Variants in BIN1 observed in about 807,000 individuals in gnomAD.
The protein encoded by BIN1 is myc box-dependent-interacting protein 1.
A neutral mutation model predicts 82.0 loss-of-function variants in BIN1; 53 were observed. That is an observed-to-expected ratio of 0.65 (90% CI 0.52 to 0.81). The LOEUF (loss-of-function observed/expected upper bound fraction) is 0.81, where lower values mean the gene tolerates loss of function less well. Ranked by LOEUF, BIN1 falls within the 40% of genes least tolerant of loss-of-function variation. The pLI, the probability that BIN1 is intolerant of heterozygous loss-of-function variation, is 0.00. For missense variants in BIN1, 642 were observed against 784.4 expected (o/e 0.82, Z 2.17); for synonymous variants, 302 against 328.0 (o/e 0.92, Z 0.86).
intron 1 of BIN1, among the ~76,000 whole-genome samples, chr2:127,078,293 A>G (rs1686875960): frequency 6.6e-6 from 1 of 152,214 alleles, no homozygotes; most frequent in Admixed American, 6.5e-5. Context: ...GGTACAGCAG[A>G]GAGGAATCAG....
intron 1 of BIN1, among the ~76,000 whole-genome samples, chr2:127,105,465 AT>A (rs1680934244): frequency 1.0e-5 from 1 of 97,526 alleles, no homozygotes. Flanking sequence ...TGGGGCTTTA[AT>A]CCCTCCTCCT....
At chr2:127,054,394 C>T (rs975603610) in intron 12 of BIN1, 6 of 317,816 alleles carry the variant, frequency 1.9e-5, no homozygotes, top group East Asian at 8.1e-5. Context: ...CACCAATGCC[C>T]GAACCTCCTC....
chr2:127,095,621 T>A (rs1406013416), intron 1 of BIN1, among the ~76,000 whole-genome samples: 1 of 152,156 alleles, frequency 6.6e-6, no homozygotes, highest in Non-Finnish European at 1.5e-5. Flanking sequence ...TACCACCTCC[T>A]TCCCACTCCC....
At chr2:127,063,800 A>C (rs962848217) in intron 8 of BIN1, 133 bp downstream of exon 8, 3 of 1,408,034 alleles carry the variant, frequency 2.1e-6, no homozygotes, top group African/African-American at 2.8e-5. Context: ...ACTGCAGCAC[A>C]CAGGCTGGGC....
chr2:127,085,876 A>T (rs1573740537), intron 1 of BIN1, among the ~76,000 whole-genome samples: 1 of 152,304 alleles, frequency 6.6e-6, no homozygotes, highest in East Asian at 1.9e-4. Context: ...AGGGACAGGC[A>T]TCTGTCAACC....
chr2:127,052,623 C>T (rs926776964), intron 14 of BIN1: 1 of 526,138 alleles, frequency 1.9e-6, no homozygotes. Context: ...CCTACCAGCT[C>T]GCACCAGGCT....
chr2:127,056,803 C>T (rs866962181), intron 12 of BIN1, among the ~76,000 whole-genome samples: 4 of 152,228 alleles, frequency 2.6e-5, no homozygotes, highest in African/African-American at 4.8e-5. Context: ...TACTCCAGCC[C>T]GACCTCCACC....
rs372770142 is a variant in BIN1, at chr2:127,068,460, G to C, written c.520-205C>G. 1.2e-4 allele frequency among the ~76,000 whole-genome samples: 19 copies of C among 152,160 alleles called. No homozygotes were observed. Among genetic ancestry groups the C allele is most frequent in the African/African-American group, 4.1e-4 (17 of 41,434 alleles). On this transcript the variant is annotated intron_variant, in intron 6 of 18. Coordinates refer to ENST00000316724, the MANE Select transcript of BIN1 (RefSeq NM_139343.3). This position sits in a 1 kb window ranked among gnomAD's most constrained non-coding sequence, Gnocchi z 4.9. ...TGAACTCCAACTGCAGAGGCAAAAG[G>C]TGAGCGTGGTTAGCAGCACAGGGGG... is the stretch of plus-strand genomic sequence containing the variant.
intron 1 of BIN1, among the ~76,000 whole-genome samples, chr2:127,086,302 G>C (rs1407413130): frequency 6.6e-6 from 1 of 152,124 alleles, no homozygotes; most frequent in African/African-American, 2.4e-5. Flanking sequence ...CGTGTGTCTG[G>C]AGCTTGCTGA....
At chr2:127,097,640 C>A (rs1679774915) in intron 1 of BIN1, among the ~76,000 whole-genome samples, 1 of 152,214 alleles carries the variant, frequency 6.6e-6, no homozygotes, top group Admixed American at 6.5e-5. Flanking sequence ...CAGGCCACTC[C>A]TTCTGGAGAC....
At chr2:127,083,389 C>T (rs993851388) in intron 1 of BIN1, among the ~76,000 whole-genome samples, 4 of 152,148 alleles carry the variant, frequency 2.6e-5, no homozygotes, top group African/African-American at 7.2e-5. Flanking sequence ...TCACTTTTCT[C>T]TATATATAAA....
intron 1 of BIN1, among the ~76,000 whole-genome samples, chr2:127,097,067 C>A (rs532808276): frequency 6.6e-6 from 1 of 152,220 alleles, no homozygotes; most frequent in African/African-American, 2.4e-5. Flanking sequence ...GTGCCCACTC[C>A]CCACTCGGGG....
rs1007484424 is a variant in BIN1, at chr2:127,081,922, C to T, written c.85-5216G>A. The T allele has an allele frequency of 3.4e-5, 43 of 1,260,632 alleles. No individual in the cohort carries two copies. In the African/African-American group the frequency reaches 5.9e-4, roughly 17 times the overall value. 78.1% of individuals were successfully genotyped at this position (1,260,632 alleles called of 1,614,324 possible). A position where few individuals can be genotyped will look rare whatever the true frequency, so the allele number is the denominator to read the frequency against. On this transcript the variant is annotated intron_variant, in intron 1 of 18. Transcript: ENST00000316724. ...CGCCCCTTCCTCCCAGCAGAGCCTG[C>T]GGTCGGGGGCCACGGAGGCAGGATG...
chr2:127,095,386 C>T (rs950205871), intron 1 of BIN1, among the ~76,000 whole-genome samples: 3 of 152,214 alleles, frequency 2.0e-5, no homozygotes, highest in Admixed American at 1.3e-4. Flanking sequence ...GCCTCCCTGG[C>T]GGGGTCACTG....
At chr2:127,064,209 A>G (rs1684868215) in intron 7 of BIN1, among the ~76,000 whole-genome samples, 191 bp from the exon 8 acceptor site, 1 of 152,196 alleles carries the variant, frequency 6.6e-6, no homozygotes, top group South Asian at 2.1e-4. Context: ...CAGGACCCTG[A>G]GGACATCTGG....
chr2:127,052,288 C>A lies in BIN1; in HGVS notation c.1338G>T (p.Trp446Cys). Residue 446 changes from tryptophan (W) to cysteine (C), a missense_variant, in exon 15 of 19, where the codon TGG becomes TGT. Coordinates refer to ENST00000316724, the MANE Select transcript of BIN1 (RefSeq NM_139343.3). ...SAAEGTFAVS[W>C]PSQTAEPGPA... ...GCCCCGGCTCGGCCGTCTGGCTGGG[C>A]CAGGACACAGCAAAGGTGCCCTCGG... The A allele has an allele frequency of 6.3e-7, 1 of 1,583,590 alleles. No individual in the cohort carries two copies. The highest frequency in any genetic ancestry group is 1.2e-5 in the South Asian group (1 of 86,686).
rs1024658796 is a variant in BIN1, at chr2:127,070,644, A to G, written c.224T>C (p.Met75Thr). The G allele has an allele frequency of 1.9e-6, 3 of 1,614,074 alleles. No individual in the cohort carries two copies. The highest frequency in any genetic ancestry group is 1.1e-5 in the South Asian group (1 of 91,080). The change falls in exon 4 of 19, where the codon ATG becomes ACG. Residue 75 changes from methionine (M) to threonine (T), a missense_variant. Transcript: ENST00000316724. ...ATTCAGCTTCTTGGAAGCCTCGTGC[A>G]TGGCTGTGGGGCAGAAAGGAAGTAT... is the stretch of plus-strand genomic sequence containing the variant. The part of the protein sequence containing the change: ...LRTYLASVKA[M>T]HEASKKLNEC...
intron 1 of BIN1, among the ~76,000 whole-genome samples, chr2:127,088,319 C>T (rs544153223): frequency 7.9e-4 from 121 of 152,344 alleles, no homozygotes; most frequent in Admixed American, 1.6e-3. Flanking sequence ...GACTCAGCAA[C>T]GTGCCCTGGT....
At chr2:127,073,453 T>C (rs114844018) in intron 2 of BIN1, among the ~76,000 whole-genome samples, 38 of 152,236 alleles carry the variant, frequency 2.5e-4, no homozygotes, top group African/African-American at 7.2e-4. Flanking sequence ...GCTACAGGAC[T>C]TGGGGGAGTC....
Sources: allele counts gnomAD v4.1 joint callset (sites outside exome capture counted in the v4.1 genomes callset), GRCh38; gene constraint gnomAD v4.1.1; non-coding constraint Gnocchi (gnomAD v3.1); transcripts MANE v1.5; gene names NCBI Gene and HGNC (gene_info 2026-07-23, HGNC 2026-07-21).